Variants in ARMC5 observed in about 807,000 individuals in gnomAD.
The protein encoded by ARMC5 is armadillo repeat-containing protein 5.
Under a neutral mutation model 60.5 loss-of-function variants are expected in ARMC5, and 28 were observed. The observed-to-expected ratio is 0.46, with a 90% CI of 0.34 to 0.63. The LOEUF (loss-of-function observed/expected upper bound fraction) is 0.63, where lower values mean the gene tolerates loss of function less well. Among genes scored for constraint, ARMC5 ranks in the 30% least tolerant of loss-of-function variants. The probability of loss-of-function intolerance (pLI) is 0.01; values close to 1 mark genes in which losing one functional copy is unlikely to be tolerated. For missense variants in ARMC5, 1,189 were observed against 1,304.9 expected (o/e 0.91, Z 1.37); for synonymous variants, 680 against 607.3 (o/e 1.12, Z -1.76).
At chr16:31,458,507 G>A (rs1481569493), upstream of ARMC5, 4 of 1,535,580 alleles carry the variant, frequency 2.6e-6, no homozygotes, top group South Asian at 1.2e-5. Flanking sequence ...CAACGGTAAG[G>A]CTTGTCACCA....
In ARMC5 at chr16:31,459,911, G is replaced by C. The variant is rs1276102197; in HGVS notation, c.387G>C (p.Leu129=). The C allele has an allele frequency of 4.4e-6, 7 of 1,606,454 alleles. No individual in the cohort carries two copies. Among genetic ancestry groups the C allele is most frequent in the Non-Finnish European group, 5.9e-6 (7 of 1,179,874 alleles). The change falls in exon 1 of 6, where the codon CTG becomes CTC. Residue 129 remains leucine, a synonymous_variant. Transcript: ENST00000268314. Reference sequence around the variant, plus strand: ...CGCCAGTGCGCCTGCGCAAGACGCTGGACTTGGCGCTCAGCATCCTAGCCG... The same window carrying C: ...CGCCAGTGCGCCTGCGCAAGACGCTCGACTTGGCGCTCAGCATCCTAGCCG... The part of the protein sequence containing the change: ...PTPPVRLRKT[L]DLALSILADC...
rs2082330328 is a variant in ARMC5, at chr16:31,464,343, C to G, written c.1371-51C>G. The G allele has an allele frequency of 7.0e-7, 1 of 1,431,368 alleles. No individual in the cohort carries two copies. Among genetic ancestry groups the G allele is most frequent in the Admixed American group, 2.5e-5 (1 of 39,966 alleles). The allele number at this position is 1,431,368 out of a possible 1,614,324, so 88.7% of individuals were successfully genotyped here. ...ACGCCTCACGCCTCTTGGACTCTGC[C>G]CCTTAACCTTGGCTCTGGGTTCAGT... On this transcript the variant is annotated intron_variant, in intron 3 of 5. Transcript: ENST00000268314. The surrounding 1 kb of genome is among the most constrained non-coding windows in gnomAD (Gnocchi z 7.6).
intron 4 of ARMC5, chr16:31,465,610 G>A (rs1012760619): frequency 9.0e-5 from 125 of 1,394,596 alleles, no homozygotes; most frequent in Non-Finnish European, 1.1e-4. Flanking sequence ...TTGCCTCGGC[G>A]CCTGGGTGGC....
intron 4 of ARMC5, chr16:31,465,479 T>C: frequency 1.2e-6 from 1 of 862,964 alleles, no homozygotes; most frequent in Non-Finnish European, 1.6e-6. Flanking sequence ...AATATTGGGA[T>C]AAAGAGTAAT....
chr16:31,465,811 A>G (rs1356434786), intron 4 of ARMC5, 39 bp from the exon 5 acceptor site: 2 of 1,604,330 alleles, frequency 1.2e-6, no homozygotes, highest in Admixed American at 3.3e-5. Flanking sequence ...CACCTGTCTT[A>G]GACCCCAGTT....
chr16:31,462,869 AG>A lies in ARMC5; in HGVS notation c.1324del (p.Glu442ArgfsTer19). 1 of 1,613,152 alleles carries A rather than the reference AG, an allele frequency of 6.2e-7. No individual in the cohort carries two copies. Among genetic ancestry groups the A allele is most frequent in the Non-Finnish European group, 8.5e-7 (1 of 1,179,624 alleles). ...GAAGCTGCTTCCTGGGACTTTCCTG[AG>A]GAGAGGACCCCTGAGCGGGCACAGG... ...GREAASWDFP[E>X]ERTPERAQGG... is the part of the protein sequence containing the mutation. On this transcript the variant is annotated frameshift_variant, in exon 3 of 6. Coordinates refer to ENST00000268314, the MANE Select transcript of ARMC5 (RefSeq NM_001105247.2). LOFTEE classifies it high-confidence loss of function. This position sits in a 1 kb window ranked among gnomAD's most constrained non-coding sequence, Gnocchi z 7.2.
rs776047628 is a variant in ARMC5 at position 31,460,013 on chromosome 16, C to G, written c.475+14C>G. ...TACTCCCTTTGGGTAAGTGCTCCGC[C>G]CCCGTTTCCTAGAAAGATTAGGTTT... On this transcript the variant is annotated intron_variant, in intron 1 of 5. Transcript: ENST00000268314. The G allele has an allele frequency of 5.7e-6, 9 of 1,592,584 alleles. No individual in the cohort carries two copies. Among genetic ancestry groups the G allele is most frequent in the Middle Eastern group, 1.7e-4 (1 of 6,034 alleles).
rs749622087 is a variant in ARMC5 at position 31,462,230 on chromosome 16, A to G, written c.683A>G (p.Gln228Arg). The change falls in exon 3 of 6, where the codon CAG (glutamine) becomes CGG (arginine). Residue 228 changes from glutamine (Q) to arginine (R), a missense_variant. By Grantham distance (43) the Gln-to-Arg change is conservative. This residue lies in a region of ARMC5 where 862 missense variants were observed against 1,071.2 expected (regional missense o/e 0.80). Transcript: ENST00000268314. The surrounding 1 kb of genome is among the most constrained non-coding windows in gnomAD (Gnocchi z 7.2). ...CTCCGTAACCTGGCAGACTCACCCC[A>G]GCACCGCCTGGCCTTGGCACAGCAG... ...RALRNLADSPQHRLALAQQGA... is the reference protein window; with the variant it reads ...RALRNLADSPRHRLALAQQGA... 12 of 1,610,480 alleles carry G rather than the reference A, an allele frequency of 7.5e-6. No homozygotes were observed. Among genetic ancestry groups the G allele is most frequent in the South Asian group, 2.2e-5 (2 of 91,082 alleles).
In ARMC5 at chr16:31,464,737, C is replaced by T. The variant is rs754213421; in HGVS notation, c.1714C>T (p.Arg572Cys). ...CCCACGTGCACTGCGCATTCTGTCA[C>T]GCCTCACCTGCAACCCTGCCTGCCT... is the stretch of plus-strand genomic sequence containing the variant. Reference protein sequence around the residue: ...PSPRALRILSRLTCNPACLEA... With the variant: ...PSPRALRILSCLTCNPACLEA... The change falls in exon 4 of 6, where the codon CGC becomes TGC. Residue 572 changes from arginine (R) to cysteine (C), a missense_variant. By Grantham distance (180) the Arg-to-Cys change is radical (BLOSUM62 -3). Around this residue, in one of 2 missense-constraint regions of ARMC5, gnomAD observed 862 missense variants for 1,071.2 expected, o/e 0.80. Transcript: ENST00000268314. This position sits in a 1 kb window ranked among gnomAD's most constrained non-coding sequence, Gnocchi z 7.6. 5.0e-6 allele frequency: 8 copies of T among 1,599,238 alleles called. No homozygotes were observed. The highest frequency in any genetic ancestry group is 1.1e-5 in the South Asian group (1 of 91,034).
Position 31,460,089 on chromosome 16 carries a change from A to G in ARMC5, c.475+90A>G, listed in dbSNP as rs529710878. 15 of 1,376,802 alleles carry G rather than the reference A, an allele frequency of 1.1e-5. No homozygotes were observed. In the African/African-American group the frequency reaches 1.2e-4, roughly 11 times the overall value. 85.3% of individuals were successfully genotyped at this position (1,376,802 alleles called of 1,614,324 possible). On this transcript the variant is annotated intron_variant, in intron 1 of 5. Transcript: ENST00000268314. ...GGCAGTCTGGAGTTCTTTGTGTCCTATCCCGGAATAACGTGCTTTGTGATG... is the reference window on the plus strand; with the variant it reads ...GGCAGTCTGGAGTTCTTTGTGTCCTGTCCCGGAATAACGTGCTTTGTGATG...
At chr16:31,463,062 C>T (rs1475109496) in intron 3 of ARMC5, 145 bp downstream of exon 3, 1 of 852,010 alleles carries the variant, frequency 1.2e-6, no homozygotes, top group South Asian at 2.0e-5. Flanking sequence ...ACACGACCAC[C>T]TGCCAGTTCC....
At position 31,459,852 on chromosome 16, in the gene ARMC5, GC is replaced by G; in HGVS notation, c.333del (p.Ser112ProfsTer25). 1.9e-6 allele frequency: 3 copies of G among 1,587,896 alleles called. No homozygotes were observed. The highest frequency in any genetic ancestry group is 1.1e-5 in the South Asian group (1 of 89,592). ...ASSPAPASGP[A>X]PSAVSSSSPT... ...TAGCCCCGCCCCCGCGTCGGGCCCC[GC>G]CCCCTCCGCTGTGTCGTCGTCTAGT... is the stretch of plus-strand genomic sequence containing the variant. On this transcript the variant is annotated frameshift_variant, in exon 1 of 6. Coordinates refer to ENST00000268314, the MANE Select transcript of ARMC5 (RefSeq NM_001105247.2). LOFTEE classifies it high-confidence loss of function.
Position 31,464,676 on chromosome 16 carries a change from G to A in ARMC5, c.1653G>A (p.Leu551=). 4.4e-6 allele frequency: 7 copies of A among 1,598,712 alleles called. No homozygotes were observed. Among genetic ancestry groups the A allele is most frequent in the East Asian group, 2.2e-5 (1 of 44,792 alleles). The change falls in exon 4 of 6, where the codon CTG becomes CTA. Residue 551 remains leucine, a synonymous_variant. Transcript: ENST00000268314. This position sits in a 1 kb window ranked among gnomAD's most constrained non-coding sequence, Gnocchi z 7.6. ...TGACCGGCCCGGCGCTGTACGGCCT[G>A]CTGACCTATGTGACCGGCGCACCGG... ...ALVTGPALYG[L]LTYVTGAPGP...
At position 31,459,703 on chromosome 16, in the gene ARMC5, G is replaced by A. The variant is rs1041411723; in HGVS notation, c.179G>A (p.Arg60His). Residue 60 changes from arginine (R) to histidine (H), a missense_variant, in exon 1 of 6, where the codon CGC becomes CAC. Coordinates refer to ENST00000268314, the MANE Select transcript of ARMC5 (RefSeq NM_001105247.2). ...ATCAAGGCAGCGGGGGGAATCGAGC[G>A]CTTCCGGGCACGCGGCGGGCTCCGC... ...RHIKAAGGIERFRARGGLRPL... is the reference protein window; with the variant it reads ...RHIKAAGGIEHFRARGGLRPL... The A allele has an allele frequency of 3.2e-6, 5 of 1,564,788 alleles. No individual in the cohort carries two copies. Among genetic ancestry groups the A allele is most frequent in the South Asian group, 1.1e-5 (1 of 86,972 alleles).
rs2082327868 is a variant in ARMC5, at chr16:31,464,029, G to A, written c.1371-365G>A. On this transcript the variant is annotated intron_variant, in intron 3 of 5. Transcript: ENST00000268314. The surrounding 1 kb of genome is among the most constrained non-coding windows in gnomAD (Gnocchi z 7.6). Reference sequence around the variant, plus strand: ...GCTTTTAGCTCATGCAGTGGCTCACGCCTGTAATCCTAGCACCTTGGGAGG... The same window carrying A: ...GCTTTTAGCTCATGCAGTGGCTCACACCTGTAATCCTAGCACCTTGGGAGG... 6.6e-6 allele frequency among the ~76,000 whole-genome samples: 1 copy of A among 152,022 alleles called. No homozygotes were observed. Among genetic ancestry groups the A allele is most frequent in the African/African-American group, 2.4e-5 (1 of 41,392 alleles).
chr16:31,459,382 G>T, upstream of ARMC5: 1 of 1,536,702 alleles, frequency 6.5e-7, no homozygotes, highest in Non-Finnish European at 8.7e-7. Flanking sequence ...TTCCGGGGTC[G>T]AGAACTACAA....
Position 31,462,918 on chromosome 16 carries a change from G to A in ARMC5, c.1370+1G>A. ...AGGGTGGAAGCTTCCGGAGCCTCAG[G>A]TGAGTCCCTGCCTCAGGGCTTGGGA... On this transcript the variant is annotated splice_donor_variant, in intron 3 of 5. Coordinates refer to ENST00000268314, the MANE Select transcript of ARMC5 (RefSeq NM_001105247.2). LOFTEE classifies it high-confidence loss of function. The surrounding 1 kb of genome is among the most constrained non-coding windows in gnomAD (Gnocchi z 7.2). 2 of 1,576,830 alleles carry A rather than the reference G, an allele frequency of 1.3e-6. No individual in the cohort carries two copies. The highest frequency in any genetic ancestry group is 1.7e-6 in the Non-Finnish European group (2 of 1,161,486).
chr16:31,459,476 C>T (rs1038594840), upstream of ARMC5: 4 of 1,568,510 alleles, frequency 2.6e-6, no homozygotes, highest in Non-Finnish European at 3.4e-6. Flanking sequence ...AGTTCCGCTC[C>T]CTGGGATCAG....
In ARMC5 at chr16:31,459,535, C is replaced by T; in HGVS notation, c.11C>T (p.Ala4Val). ...GAGGCCCGAGCCAAGATGGCGGCTG[C>T]GAAGCCAACCCTCACGGACTCGCTC... MAAAKPTLTDSLSF... is the reference protein window; with the variant it reads MAAVKPTLTDSLSF... The change falls in exon 1 of 6, where the codon GCG becomes GTG. Residue 4 changes from alanine (A) to valine (V), a missense_variant. This residue lies in a region of ARMC5 where 327 missense variants were observed against 233.7 expected (regional missense o/e 1.40). Coordinates refer to ENST00000268314, the MANE Select transcript of ARMC5 (RefSeq NM_001105247.2). 1 of 1,604,178 alleles carries T rather than the reference C, an allele frequency of 6.2e-7. No homozygotes were observed.
Sources: gnomAD v4.1 joint callset for allele counts (sites outside exome capture counted in the v4.1 genomes callset) on GRCh38, gnomAD v4.1.1 for gene constraint, gnomAD v4.1.1 regional missense constraint, Gnocchi (gnomAD v3.1) non-coding constraint, MANE v1.5 for transcripts, NCBI Gene and HGNC (gene_info 2026-07-23, HGNC 2026-07-21) for gene names.